The following WDR72 variants were observed in gnomAD, a reference collection of about 807,000 sequenced individuals.
The protein encoded by WDR72 is WD repeat-containing protein 72.
Under a neutral mutation model 124.2 loss-of-function variants are expected in WDR72, and 120 were observed. The observed-to-expected ratio is 0.97, with a 90% CI of 0.83 to 1.12. WDR72 has a LOEUF of 1.12. Among genes scored for constraint, WDR72 ranks in the 50% most tolerant of loss-of-function variants. The pLI is 0.00. For missense variants in WDR72, 1,387 were observed against 1,278.8 expected, an observed-to-expected ratio of 1.08 and a Z score of -1.29; for synonymous variants, 452 against 441.7, an observed-to-expected ratio of 1.02 and a Z score of -0.29.
At chr15:53,613,957 AT>A (rs1408294615) in intron 15 of WDR72, among the ~76,000 whole-genome samples, 200 bp from the exon 16 acceptor site, 1 of 151,686 alleles carries the variant, frequency 6.6e-6, no homozygotes, top group Admixed American at 6.6e-5. Context: ...TTATTTATTT[AT>A]TTTTTTAGGC....
intron 19 of WDR72, among the ~76,000 whole-genome samples, chr15:53,519,165 G>A (rs1040941497): frequency 6.6e-6 from 1 of 152,054 alleles, no homozygotes; most frequent in Non-Finnish European, 1.5e-5. Flanking sequence ...AATTGTGAAT[G>A]TCACACTAAA....
intron 18 of WDR72, among the ~76,000 whole-genome samples, chr15:53,534,121 G>T (rs546649157): frequency 1.3e-5 from 2 of 152,252 alleles, no homozygotes; most frequent in African/African-American, 4.8e-5. Context: ...CTGACCCAGT[G>T]TGTCAGTTTC....
upstream of WDR72, among the ~76,000 whole-genome samples, chr15:53,760,994 T>G (rs1224596951): frequency 1.3e-5 from 2 of 152,000 alleles, no homozygotes; most frequent in African/African-American, 4.8e-5. Flanking sequence ...CATGGTGGTG[T>G]GTGCCTGTAG....
At chr15:53,559,899 A>C (rs1401812814) in intron 18 of WDR72, among the ~76,000 whole-genome samples, 2 of 151,998 alleles carry the variant, frequency 1.3e-5, no homozygotes, top group Non-Finnish European at 2.9e-5. Flanking sequence ...CTTTATGAAG[A>C]GGAGTGAGAA....
Position 53,615,505 on chromosome 15 carries a change from T to C in WDR72, c.2701A>G (p.Ile901Val), listed in dbSNP as rs755115896. The C allele has an allele frequency of 5.5e-5, 88 of 1,612,632 alleles. No individual in the cohort carries two copies. Among genetic ancestry groups the C allele is most frequent in the Non-Finnish European group, 7.3e-5 (86 of 1,179,326 alleles). The change falls in exon 15 of 20, where the codon ATA becomes GTA. Residue 901 changes from isoleucine to valine, a missense_variant. By Grantham distance (29) the Ile-to-Val change is conservative (BLOSUM62 3). Transcript: ENST00000360509. ...AATAGTCTGCTCAACAAATAAACTA[T>C]AGTATCTGACTCTCGCAAAGAATCA... ...NCDSLRESDT[I>V]VYLLSRLFLV... is the part of the protein sequence containing the mutation.
intron 13 of WDR72, among the ~76,000 whole-genome samples, chr15:53,673,241 C>T (rs1177222327): frequency 6.6e-6 from 1 of 152,112 alleles, no homozygotes; most frequent in Admixed American, 6.5e-5. Context: ...CTTTAAATTA[C>T]ATACTTCCTC....
chr15:53,530,196 AC>A (rs1892373010), intron 18 of WDR72, among the ~76,000 whole-genome samples: 2 of 151,334 alleles, frequency 1.3e-5, no homozygotes, highest in African/African-American at 4.8e-5. Context: ...AAAATAAGAA[AC>A]ATTACTTCTT....
At chr15:53,685,024 T>C (rs1257555186) in intron 13 of WDR72, among the ~76,000 whole-genome samples, 1 of 152,066 alleles carries the variant, frequency 6.6e-6, no homozygotes, top group Non-Finnish European at 1.5e-5. Context: ...GGAAAACTAA[T>C]AAACGGAAAG....
In WDR72 at chr15:53,531,767, G is replaced by C. The variant is rs1222496200; in HGVS notation, c.3149-8445C>G. Among the ~76,000 whole-genome samples the C allele has an allele frequency of 6.3e-5, 4 of 63,636 alleles. No individual in the cohort carries two copies. In the Admixed American group the frequency reaches 8.1e-4, roughly 13 times the overall value. The allele number at this position is 63,636 out of a possible 152,430, so 41.7% of individuals were successfully genotyped here. A position where few individuals can be genotyped will look rare whatever the true frequency, so the allele number is the denominator to read the frequency against. ...AGATGTTATCATATTGGAGAGCTAA[G>C]AAATAGGAAACAAAAGGTTAAGAGA... On this transcript the variant is annotated intron_variant, in intron 18 of 19. Transcript: ENST00000360509.
intron 13 of WDR72, among the ~76,000 whole-genome samples, chr15:53,675,584 C>T (rs184889310): frequency 5.3e-5 from 8 of 152,214 alleles, no homozygotes; most frequent in South Asian, 2.1e-4. Context: ...ATTTATTACA[C>T]CAGGCATGTT....
At chr15:53,534,866 T>A (rs1481093598) in intron 18 of WDR72, among the ~76,000 whole-genome samples, 2 of 152,118 alleles carry the variant, frequency 1.3e-5, no homozygotes, top group Non-Finnish European at 2.9e-5. Flanking sequence ...TTTCTTCTTA[T>A]GAAAGGTAAA....
At chr15:53,540,923 AG>A (rs2140256294) in intron 18 of WDR72, 1 of 155,648 alleles carries the variant, frequency 6.4e-6, no homozygotes, top group East Asian at 1.9e-4. Flanking sequence ...CCGAATATTG[AG>A]CTTTTCGGAC....
At chr15:53,549,474 C>T (rs1412787800) in intron 18 of WDR72, among the ~76,000 whole-genome samples, 6 of 152,164 alleles carry the variant, frequency 3.9e-5, no homozygotes, top group South Asian at 2.1e-4. Context: ...CGAATAGATG[C>T]GTGTTTTCCC....
At chr15:53,659,416 T>C (rs2015535395) in intron 14 of WDR72, among the ~76,000 whole-genome samples, 1 of 152,156 alleles carries the variant, frequency 6.6e-6, no homozygotes, top group Non-Finnish European at 1.5e-5. Flanking sequence ...ATTCTCCTTT[T>C]GTGCCTCTGA....
rs764158093 is a variant in WDR72, at chr15:53,613,760, G to T, written c.2781-3C>A. On this transcript the variant is annotated splice_region_variant and splice_polypyrimidine_tract_variant and intron_variant, in intron 15 of 19. Transcript: ENST00000360509. ...GTATACTTTCCATTCTGAAAGAACT[G>T]TTAGAAAAAAGATTGACAGCATATT... The T allele has an allele frequency of 6.3e-7, 1 of 1,587,188 alleles. No individual in the cohort carries two copies. The highest frequency in any genetic ancestry group is 1.1e-5 in the South Asian group (1 of 90,516).
At chr15:53,755,215 A>T (rs1385981869) in intron 1 of WDR72, among the ~76,000 whole-genome samples, 1 of 152,180 alleles carries the variant, frequency 6.6e-6, no homozygotes, top group Non-Finnish European at 1.5e-5. Context: ...TCCTGTTTAT[A>T]TTTTTTTGTT....
At chr15:53,582,363 C>A (rs977527062) in intron 18 of WDR72, among the ~76,000 whole-genome samples, 5 of 151,930 alleles carry the variant, frequency 3.3e-5, no homozygotes, top group African/African-American at 1.2e-4. Context: ...CAGGGCTGTA[C>A]TGCTTTCTTA....
chr15:53,683,721 G>C (rs1595846533), intron 13 of WDR72, among the ~76,000 whole-genome samples: 1 of 148,136 alleles, frequency 6.8e-6, no homozygotes, highest in Non-Finnish European at 1.5e-5. Flanking sequence ...ACACAGGAGA[G>C]AGAGAAAGAG....
Position 53,711,422 on chromosome 15 carries a change from G to A in WDR72, c.771C>T (p.Phe257=). ...CAGCAATCACTTCTCCACCAGCAAAGAACTGCCCATTTCTACTAACTTCAG... is the reference window on the plus strand; with the variant it reads ...CAGCAATCACTTCTCCACCAGCAAAAAACTGCCCATTTCTACTAACTTCAG... ...LLTEVSRNGQ[F]FAGGEVIAAH... is the part of the protein sequence containing the mutation. The change falls in exon 8 of 20, where the codon TTC becomes TTT. Residue 257 remains phenylalanine, a synonymous_variant. Coordinates refer to ENST00000360509, the MANE Select transcript of WDR72 (RefSeq NM_182758.4). 6.2e-7 allele frequency: 1 copy of A among 1,614,026 alleles called. No individual in the cohort carries two copies. The highest frequency in any genetic ancestry group is 8.5e-7 in the Non-Finnish European group (1 of 1,180,012).
Sources: allele counts gnomAD v4.1 joint callset (sites outside exome capture counted in the v4.1 genomes callset), GRCh38; gene constraint gnomAD v4.1.1; transcripts MANE v1.5; gene names NCBI Gene and HGNC (gene_info 2026-07-23, HGNC 2026-07-21).